The following PACRG variants were observed in gnomAD, a reference collection of about 807,000 sequenced individuals.
PACRG encodes the protein parkin coregulated gene protein.
A neutral mutation model predicts 29.7 loss-of-function variants in PACRG; 29 were observed. The ratio of observed to expected loss-of-function variants is 0.98; its 90% CI spans 0.73 to 1.33. The LOEUF (loss-of-function observed/expected upper bound fraction) is 1.33, where lower values mean the gene tolerates loss of function less well. Ranked by LOEUF, PACRG falls within the 40% of genes most tolerant of loss-of-function variation. The pLI is 0.00. For missense variants in PACRG, 279 were observed against 316.2 expected, an observed-to-expected ratio of 0.88 and a Z score of 0.89; for synonymous variants, 116 against 118.7, an observed-to-expected ratio of 0.98 and a Z score of 0.15.
chr6:163,092,218 A>G (rs1814172022), intron 4 of PACRG, among the ~76,000 whole-genome samples: 1 of 152,172 alleles, frequency 6.6e-6, no homozygotes, highest in East Asian at 1.9e-4. Context: ...AGTTTTTACA[A>G]TGTCTCCTGT....
chr6:163,198,574 C>T (rs183858147), intron 4 of PACRG, among the ~76,000 whole-genome samples: 112 of 152,194 alleles, frequency 7.4e-4, no homozygotes, highest in African/African-American at 2.7e-3. Flanking sequence ...GGATGGGCAC[C>T]GAGGTTGTCT....
chr6:162,909,372 G>A (rs1163116854), intron 2 of PACRG, among the ~76,000 whole-genome samples: 2 of 151,880 alleles, frequency 1.3e-5, no homozygotes, highest in African/African-American at 2.4e-5. Flanking sequence ...TGGCTAACAC[G>A]GTGAAACCTC....
intron 2 of PACRG, 23 bp from the exon 3 acceptor site, chr6:163,062,127 G>A (rs746789565): frequency 2.0e-5 from 33 of 1,611,496 alleles, no homozygotes; most frequent in South Asian, 1.5e-4. Context: ...TTCACATGGC[G>A]TCTCTTCTTT....
chr6:163,059,978 A>C (rs185930774), intron 2 of PACRG, among the ~76,000 whole-genome samples: 3 of 152,340 alleles, frequency 2.0e-5, no homozygotes, highest in Admixed American at 2.0e-4. Flanking sequence ...TAAGTTTGGA[A>C]ATGTTTAAGG....
At chr6:163,268,166 C>G (rs147968810) in intron 4 of PACRG, among the ~76,000 whole-genome samples, 1 of 152,012 alleles carries the variant, frequency 6.6e-6, no homozygotes, top group Non-Finnish European at 1.5e-5. Context: ...TCTGGGAGGC[C>G]GAGGCGGGTG....
At chr6:163,177,218 A>G (rs1464800774) in intron 4 of PACRG, among the ~76,000 whole-genome samples, 1 of 152,246 alleles carries the variant, frequency 6.6e-6, no homozygotes, top group Non-Finnish European at 1.5e-5. Flanking sequence ...AGAGACAGAC[A>G]GAGATATTTG....
At chr6:163,300,898 C>G (rs566431611) in intron 4 of PACRG, among the ~76,000 whole-genome samples, 3 of 151,336 alleles carry the variant, frequency 2.0e-5, no homozygotes, top group East Asian at 3.9e-4. Flanking sequence ...AGGGCCACAT[C>G]CACTGCTTCC....
intron 1 of PACRG, among the ~76,000 whole-genome samples, chr6:162,810,241 G>A (rs1486098849): frequency 6.6e-6 from 1 of 152,138 alleles, no homozygotes; most frequent in Non-Finnish European, 1.5e-5. Context: ...GTCAGCAGAC[G>A]CCAAGTAGAG....
intron 4 of PACRG, among the ~76,000 whole-genome samples, chr6:163,175,776 G>GGAA (rs1240718674): frequency 6.6e-6 from 1 of 151,468 alleles, no homozygotes; most frequent in African/African-American, 2.4e-5. Context: ...AGGAGGAGGA[G>GGAA]GAGGAGCTCT....
chr6:163,229,177 T>G (rs1470435652), intron 4 of PACRG, among the ~76,000 whole-genome samples: 1 of 152,098 alleles, frequency 6.6e-6, no homozygotes, highest in African/African-American at 2.4e-5. Flanking sequence ...CTAGTCAACA[T>G]AGTGAGACCC....
At position 162,748,244 on chromosome 6, in the gene PACRG, A is replaced by G. The variant is rs372537874; in HGVS notation, c.156+19853A>G. ...TGTGGCTCACGCCTGTAATTCCAGC[A>G]CTTTGGGAGGCCGAGGCAGGCAGAT... On this transcript the variant is annotated intron_variant, in intron 1 of 4. Transcript: ENST00000366888. 6.7e-4 allele frequency among the ~76,000 whole-genome samples: 102 copies of G among 152,278 alleles called. No homozygotes were observed. In the East Asian group the frequency reaches 9.8e-3, roughly 15 times the overall value.
intron 2 of PACRG, among the ~76,000 whole-genome samples, chr6:162,932,109 C>T (rs772338697): frequency 1.3e-5 from 2 of 151,974 alleles, no homozygotes; most frequent in Admixed American, 6.6e-5. Context: ...ACACACTTAA[C>T]AGCATGGATG....
intron 4 of PACRG, among the ~76,000 whole-genome samples, chr6:163,201,947 G>A (rs1477611165): frequency 2.0e-5 from 3 of 152,236 alleles, no homozygotes; most frequent in Non-Finnish European, 4.4e-5. Flanking sequence ...AAGTTCAGAG[G>A]AGTGAGCGGG....
At chr6:163,254,307 C>T (rs1012094832) in intron 4 of PACRG, among the ~76,000 whole-genome samples, 1 of 151,998 alleles carries the variant, frequency 6.6e-6, no homozygotes, top group Non-Finnish European at 1.5e-5. Context: ...AAGAGAAATG[C>T]GCTGATGAAG....
At chr6:163,047,839 TA>T (rs1809558137) in intron 2 of PACRG, among the ~76,000 whole-genome samples, 1 of 152,210 alleles carries the variant, frequency 6.6e-6, no homozygotes, top group African/African-American at 2.4e-5. Context: ...CATTTATTCA[TA>T]AAAAATTATT....
At chr6:162,980,952 T>C (rs1332790984) in intron 2 of PACRG, among the ~76,000 whole-genome samples, 2 of 152,038 alleles carry the variant, frequency 1.3e-5, no homozygotes, top group Non-Finnish European at 2.9e-5. Context: ...AAAAGTTCTT[T>C]AGAGGTGATT....
chr6:163,189,136 C>A (rs191260607), intron 4 of PACRG, among the ~76,000 whole-genome samples: 30 of 152,314 alleles, frequency 2.0e-4, no homozygotes, highest in Admixed American at 1.4e-3. Flanking sequence ...AATTACAATT[C>A]ATGTATAAAG....
At chr6:162,994,421 C>T (rs953208079) in intron 2 of PACRG, among the ~76,000 whole-genome samples, 1 of 148,010 alleles carries the variant, frequency 6.8e-6, no homozygotes, top group Non-Finnish European at 1.5e-5. Context: ...TCCCATATTT[C>T]TTGGAGGCTT....
At chr6:163,080,018 C>T (rs1812935394) in intron 3 of PACRG, among the ~76,000 whole-genome samples, 1 of 150,614 alleles carries the variant, frequency 6.6e-6, no homozygotes, top group Non-Finnish European at 1.5e-5. Flanking sequence ...CTGCCTCAGC[C>T]TCCCTTAGTA....
Sources: gnomAD v4.1 joint callset for allele counts (sites outside exome capture counted in the v4.1 genomes callset) on GRCh38, gnomAD v4.1.1 for gene constraint, MANE v1.5 for transcripts, NCBI Gene and HGNC (gene_info 2026-07-23, HGNC 2026-07-21) for gene names.